The following MED26 variants were observed in gnomAD, a reference collection of about 807,000 sequenced individuals.
MED26 encodes the protein mediator of RNA polymerase II transcription subunit 26.
MED26 carries 7 observed loss-of-function variants against 43.7 expected under a neutral mutation model. That is an observed-to-expected ratio of 0.16 (90% confidence interval 0.09 to 0.30). The LOEUF is 0.30. Among genes scored for constraint, MED26 ranks in the 10% least tolerant of loss-of-function variants. The pLI is 1.00. For synonymous variants in MED26, 375 were observed against 371.1 expected, an observed-to-expected ratio of 1.01 and a Z score of -0.12; for missense variants, 784 against 840.6, an observed-to-expected ratio of 0.93 and a Z score of 0.83.
intron 1 of MED26, among the ~76,000 whole-genome samples, chr19:16,597,192 T>C (rs1045704755): frequency 1.3e-5 from 2 of 151,666 alleles, no homozygotes; most frequent in African/African-American, 2.4e-5. Flanking sequence ...TAGCCTGAGA[T>C]GACAACCTCA....
At chr19:16,616,905 ATGG>A (rs2086228763) in intron 1 of MED26, among the ~76,000 whole-genome samples, 1 of 152,194 alleles carries the variant, frequency 6.6e-6, no homozygotes, top group Non-Finnish European at 1.5e-5. Flanking sequence ...CCAAGTGCCC[ATGG>A]TGAGCACAGA....
chr19:16,575,867 G>A lies in MED26; in HGVS notation c.*160C>T, dbSNP rs1354696171. ...ACAAAAAGAGTTTTGAGGGAAGAGCGCAGAGAGACCGCGTGACTCCCGCCC... is the reference window on the plus strand; with the variant it reads ...ACAAAAAGAGTTTTGAGGGAAGAGCACAGAGAGACCGCGTGACTCCCGCCC... On this transcript the variant is annotated 3_prime_UTR_variant, in exon 3 of 3. Coordinates refer to ENST00000263390, the MANE Select transcript of MED26 (RefSeq NM_004831.5). The A allele has an allele frequency of 1.3e-5, 8 of 630,634 alleles. No individual in the cohort carries two copies. The highest frequency in any genetic ancestry group is 2.9e-5 in the Admixed American group (1 of 34,044). 39.1% of individuals were successfully genotyped at this position (630,634 alleles called of 1,614,324 possible). A position where few individuals can be genotyped will look rare whatever the true frequency, so the allele number is the denominator to read the frequency against.
At chr19:16,605,947 G>A (rs188729496) in intron 1 of MED26, among the ~76,000 whole-genome samples, 1 of 152,306 alleles carries the variant, frequency 6.6e-6, no homozygotes, top group Admixed American at 6.5e-5. Flanking sequence ...CACTGTGTGC[G>A]GATATTCGTG....
intron 1 of MED26, among the ~76,000 whole-genome samples, chr19:16,609,320 A>AG (rs1209842644): frequency 1.3e-5 from 2 of 149,126 alleles, no homozygotes; most frequent in East Asian, 3.9e-4. Flanking sequence ...TCAAAAAAAA[A>AG]AAAAAAAAAA....
chr19:16,595,355 T>C (rs532119296), intron 1 of MED26, among the ~76,000 whole-genome samples: 4 of 152,262 alleles, frequency 2.6e-5, no homozygotes, highest in African/African-American at 4.8e-5. Context: ...GGTGACTTGA[T>C]TGTGCACGTG....
intron 1 of MED26, among the ~76,000 whole-genome samples, chr19:16,584,443 G>A (rs1228102550): frequency 6.6e-6 from 1 of 152,234 alleles, no homozygotes. Context: ...GTGCTGTTCA[G>A]CTCACAGGAA....
chr19:16,594,366 A>G (rs1473773642), intron 1 of MED26, among the ~76,000 whole-genome samples: 2 of 152,236 alleles, frequency 1.3e-5, no homozygotes, highest in Non-Finnish European at 2.9e-5. Context: ...TCAAGCCCCA[A>G]GTGGGGTGGA....
At chr19:16,592,646 AC>A (rs2086103284) in intron 1 of MED26, among the ~76,000 whole-genome samples, 1 of 152,166 alleles carries the variant, frequency 6.6e-6, no homozygotes, top group Admixed American at 6.5e-5. Flanking sequence ...CAGTGTCCCC[AC>A]CTTCATCCAC....
intron 1 of MED26, among the ~76,000 whole-genome samples, chr19:16,597,224 T>C (rs2086124451): frequency 6.6e-6 from 1 of 152,196 alleles, no homozygotes; most frequent in South Asian, 2.1e-4. Context: ...CACGTCCCTG[T>C]GCCCAGCACT....
At chr19:16,608,876 T>C (rs1044703228) in intron 1 of MED26, among the ~76,000 whole-genome samples, 5 of 152,340 alleles carry the variant, frequency 3.3e-5, no homozygotes, top group Admixed American at 6.5e-5. Context: ...GGAGAAAATG[T>C]TAATAATGCA....
intron 1 of MED26, among the ~76,000 whole-genome samples, chr19:16,600,538 C>G (rs1010592305): frequency 6.6e-6 from 1 of 152,130 alleles, no homozygotes; most frequent in African/African-American, 2.4e-5. Context: ...TGTGAGGAAG[C>G]CTCAACCTCA....
At chr19:16,601,419 TG>T (rs1318551899) in intron 1 of MED26, among the ~76,000 whole-genome samples, 19 of 152,006 alleles carry the variant, frequency 1.2e-4, no homozygotes, top group Non-Finnish European at 1.3e-4. Flanking sequence ...CCTCCCAAAG[TG>T]TTGGGATTAC....
intron 1 of MED26, among the ~76,000 whole-genome samples, chr19:16,625,010 C>G (rs114012520): frequency 7.0e-4 from 107 of 152,340 alleles, no homozygotes; most frequent in African/African-American, 2.5e-3. Flanking sequence ...CTCACTATGA[C>G]TGCTGTGCGA....
chr19:16,619,764 T>A (rs534656628), intron 1 of MED26, among the ~76,000 whole-genome samples: 25 of 151,992 alleles, frequency 1.6e-4, no homozygotes, highest in African/African-American at 5.6e-4. Flanking sequence ...CAACGCCCTA[T>A]AAAACCATGC....
intron 1 of MED26, among the ~76,000 whole-genome samples, chr19:16,591,093 A>C (rs924814830): frequency 2.2e-5 from 3 of 136,014 alleles, no homozygotes; most frequent in African/African-American, 2.8e-5. Flanking sequence ...ATAAATAAAT[A>C]AAGCTATTAA....
rs373549264 is a variant in MED26, at chr19:16,625,889, C to T, written c.72+1983G>A. ...TGTTCATAGTCAAGAAGATAACTTC[C>T]CAAATCCATCCACCCCATGTTAGTA... On this transcript the variant is annotated intron_variant, in intron 1 of 2. Transcript: ENST00000263390. 1.7e-4 allele frequency among the ~76,000 whole-genome samples: 26 copies of T among 152,264 alleles called. No homozygotes were observed. The South Asian group carries it at 5.2e-3, about 30-fold the overall frequency.
intron 1 of MED26, among the ~76,000 whole-genome samples, chr19:16,579,492 G>A (rs975039023): frequency 9.2e-5 from 14 of 152,210 alleles, no homozygotes; most frequent in Non-Finnish European, 1.8e-4. Context: ...CACATCCCAT[G>A]ACCAAGTAAT....
chr19:16,621,934 T>G (rs2086253368), intron 1 of MED26, among the ~76,000 whole-genome samples: 1 of 152,034 alleles, frequency 6.6e-6, no homozygotes, highest in African/African-American at 2.4e-5. Flanking sequence ...TCCCATTTTC[T>G]CAAGCCCAGA....
At chr19:16,610,002 T>C (rs1469798358) in intron 1 of MED26, among the ~76,000 whole-genome samples, 1 of 136,084 alleles carries the variant, frequency 7.3e-6, no homozygotes, top group Non-Finnish European at 1.6e-5. Context: ...TCAAGCCGGG[T>C]GTGGTCGCTC....
Sources: gnomAD v4.1 joint callset for allele counts (sites outside exome capture counted in the v4.1 genomes callset) on GRCh38, gnomAD v4.1.1 for gene constraint, MANE v1.5 for transcripts, NCBI Gene and HGNC (gene_info 2026-07-23, HGNC 2026-07-21) for gene names.